Variants in PDK1 observed in about 807,000 individuals in gnomAD.
PDK1 encodes [Pyruvate dehydrogenase (acetyl-transferring)] kinase isozyme 1, mitochondrial.
PDK1 carries 39 observed loss-of-function variants against 54.2 expected under a neutral mutation model. The ratio of observed to expected loss-of-function variants is 0.72; its 90% CI spans 0.56 to 0.94. PDK1 has a LOEUF of 0.94. Among genes scored for constraint, PDK1 ranks in the 40% least tolerant of loss-of-function variants. The pLI is 0.00. For synonymous variants in PDK1, 221 were observed against 207.1 expected, an observed-to-expected ratio of 1.07 and a Z score of -0.58; for missense variants, 552 against 566.0, an observed-to-expected ratio of 0.98 and a Z score of 0.25.
At chr2:172,580,394 C>T (rs942280112) in intron 8 of PDK1, among the ~76,000 whole-genome samples, 1 of 152,016 alleles carries the variant, frequency 6.6e-6, no homozygotes, top group African/African-American at 2.4e-5. Flanking sequence ...TTTCTTGTAC[C>T]TTTTTCTGCT....
chr2:172,695,420 G>C, the PDK1 span, among the ~76,000 whole-genome samples: 1 of 152,160 alleles, frequency 6.6e-6, no homozygotes, highest in Non-Finnish European at 1.5e-5. Flanking sequence ...CTATAGGGTA[G>C]AGATTACAAT....
At chr2:172,562,937 CAT>C (rs1688735098) in intron 3 of PDK1, 2 of 718,870 alleles carry the variant, frequency 2.8e-6, no homozygotes, top group Non-Finnish European at 4.5e-6. Flanking sequence ...GTTAGTTACA[CAT>C]GTTTTTTGGA....
intron 8 of PDK1, among the ~76,000 whole-genome samples, chr2:172,578,179 A>T (rs971053511): frequency 2.6e-5 from 4 of 152,224 alleles, no homozygotes; most frequent in African/African-American, 9.6e-5. Context: ...GGTTTGGATG[A>T]GAAATCAGCT....
the PDK1 span, among the ~76,000 whole-genome samples, chr2:172,637,853 G>A: frequency 6.6e-6 from 1 of 151,930 alleles, no homozygotes; most frequent in African/African-American, 2.4e-5. Context: ...ACACCACCAC[G>A]CCCAGCTAAT....
the PDK1 span, among the ~76,000 whole-genome samples, chr2:172,671,833 C>A: frequency 6.6e-6 from 1 of 151,922 alleles, no homozygotes; most frequent in Non-Finnish European, 1.5e-5. Flanking sequence ...TAGCAAGTTA[C>A]AATGAAAGTG....
chr2:172,682,591 A>G, the PDK1 span, among the ~76,000 whole-genome samples: 1 of 152,242 alleles, frequency 6.6e-6, no homozygotes, highest in African/African-American at 2.4e-5. Flanking sequence ...ACTAGAAGAC[A>G]GTAGAGTGGC....
At chr2:172,629,714 A>C in the PDK1 span, among the ~76,000 whole-genome samples, 1 of 152,222 alleles carries the variant, frequency 6.6e-6, no homozygotes, top group Non-Finnish European at 1.5e-5. Context: ...AGCAAAGCTA[A>C]GAGAACACAC....
At chr2:172,632,717 C>A in the PDK1 span, among the ~76,000 whole-genome samples, 2 of 151,860 alleles carry the variant, frequency 1.3e-5, no homozygotes, top group African/African-American at 4.8e-5. Context: ...CACGGTGGCT[C>A]ACGCCTGTAA....
At chr2:172,689,603 T>C in the PDK1 span, among the ~76,000 whole-genome samples, 2 of 152,072 alleles carry the variant, frequency 1.3e-5, no homozygotes, top group African/African-American at 4.8e-5. Context: ...CAAACTACAC[T>C]ACAAGGCCAC....
chr2:172,563,148 C>G (rs775211596), intron 3 of PDK1, among the ~76,000 whole-genome samples: 2 of 152,096 alleles, frequency 1.3e-5, no homozygotes, highest in Admixed American at 6.6e-5. Flanking sequence ...ACATAGTTAG[C>G]AAATGGTAGA....
At chr2:172,589,699 A>T (rs1380920795) in intron 9 of PDK1, among the ~76,000 whole-genome samples, 1 of 152,218 alleles carries the variant, frequency 6.6e-6, no homozygotes, top group Non-Finnish European at 1.5e-5. Flanking sequence ...GTAAAGCTGG[A>T]GCCTGGGTTT....
At position 172,564,700 on chromosome 2, in the gene PDK1, C is replaced by T; in HGVS notation, c.595+13C>T. On this transcript the variant is annotated intron_variant, in intron 4 of 10. Coordinates refer to ENST00000282077, the MANE Select transcript of PDK1 (RefSeq NM_002610.5). ...CTCAATCAGCACTGTAAGTGTCCCT[C>T]ATGAGTCAAGAGAAGAAGCTAAATG... 6.2e-7 allele frequency: 1 copy of T among 1,601,464 alleles called. No homozygotes were observed. The highest frequency in any genetic ancestry group is 8.6e-7 in the Non-Finnish European group (1 of 1,169,330).
chr2:172,601,716 G>A lies in PDK1; in HGVS notation c.*5747G>A, dbSNP rs1691122753. 1 of 152,184 alleles carries A rather than the reference G, an allele frequency of 6.6e-6. No individual in the cohort carries two copies. The highest frequency in any genetic ancestry group is 2.4e-5 in the African/African-American group (1 of 41,432). The allele number at this position is 152,184 out of a possible 1,614,324, so 9.4% of individuals were successfully genotyped here. Reference sequence around the variant, plus strand: ...CGCTGGGTTAGCTGGGGTAGGTAAAGCCACAGCTGTGGCAGCAACCAGCTA... The same window carrying A: ...CGCTGGGTTAGCTGGGGTAGGTAAAACCACAGCTGTGGCAGCAACCAGCTA... On this transcript the variant is annotated 3_prime_UTR_variant, in exon 11 of 11. Transcript: ENST00000282077.
rs767818773 is a variant in PDK1 at position 172,595,946 on chromosome 2, A to G, written c.1288A>G (p.Met430Val). The stretch of plus-strand genomic sequence containing the variant: ...CGTCCCCAGCAGAGAACCCAAAGAC[A>G]TGACGACGTTCCGCAGTGCCTAGAC... ...WCVPSREPKD[M>V]TTFRSA Residue 430 changes from methionine (M) to valine (V), a missense_variant, in exon 11 of 11, where the codon ATG becomes GTG. Met to Val is a conservative substitution (Grantham distance 21). Coordinates refer to ENST00000282077, the MANE Select transcript of PDK1 (RefSeq NM_002610.5). 1.2e-6 allele frequency: 2 copies of G among 1,613,008 alleles called. No homozygotes were observed. Among genetic ancestry groups the G allele is most frequent in the Admixed American group, 3.3e-5 (2 of 59,892 alleles).
chr2:172,717,345 C>T, the PDK1 span, among the ~76,000 whole-genome samples: 50 of 152,234 alleles, frequency 3.3e-4, 1 homozygote, highest in African/African-American at 8.2e-4. Flanking sequence ...CCAGAACAAC[C>T]GGGCTAAACT....
the PDK1 span, among the ~76,000 whole-genome samples, chr2:172,634,846 C>T: frequency 6.7e-6 from 1 of 150,158 alleles, no homozygotes; most frequent in Non-Finnish European, 1.5e-5. Context: ...TCTAAGGAAA[C>T]TTTACCCTTT....
chr2:172,587,511 G>A (rs192088270), intron 9 of PDK1, among the ~76,000 whole-genome samples: 13 of 152,208 alleles, frequency 8.5e-5, no homozygotes, highest in Non-Finnish European at 1.3e-4. Flanking sequence ...GGTGGCTTCA[G>A]GAGTGAAGCT....
the PDK1 span, among the ~76,000 whole-genome samples, chr2:172,672,620 C>CTT: frequency 7.0e-4 from 103 of 147,554 alleles, no homozygotes; most frequent in East Asian, 5.3e-3. Context: ...ATTTTTCTTT[C>CTT]TTTTTTTTTT....
the PDK1 span, among the ~76,000 whole-genome samples, chr2:172,614,280 G>C: frequency 6.6e-6 from 1 of 152,102 alleles, no homozygotes. Context: ...AGCCAGGGAG[G>C]TCCTGAAGAC....
Sources: allele counts gnomAD v4.1 joint callset (sites outside exome capture counted in the v4.1 genomes callset), GRCh38; gene constraint gnomAD v4.1.1; transcripts MANE v1.5; gene names NCBI Gene and HGNC (gene_info 2026-07-23, HGNC 2026-07-21).